The following FNIP1 variants were observed in gnomAD, a reference collection of about 807,000 sequenced individuals.
The protein encoded by FNIP1 is folliculin-interacting protein 1.
In FNIP1, 40 loss-of-function variants were observed where a neutral mutation model predicts 124.5. The ratio of observed to expected loss-of-function variants is 0.32; its 90% CI spans 0.25 to 0.42. The LOEUF (loss-of-function observed/expected upper bound fraction) is 0.42. Among genes scored for constraint, FNIP1 ranks in the 10% least tolerant of loss-of-function variants. The pLI, the probability that FNIP1 is intolerant of heterozygous loss-of-function variation, is 1.00. For synonymous variants in FNIP1, 472 were observed against 470.6 expected, an observed-to-expected ratio of 1.00 and a Z score of -0.04; for missense variants, 1,176 against 1,403.7, an observed-to-expected ratio of 0.84 and a Z score of 2.59.
chr5:131,663,932 T>C (rs924766585), intron 15 of FNIP1, among the ~76,000 whole-genome samples: 2 of 152,186 alleles, frequency 1.3e-5, no homozygotes, highest in Non-Finnish European at 1.5e-5. Flanking sequence ...CATGGGAATA[T>C]GGTTTTTGTT....
At chr5:131,695,054 G>A (rs1374269570) in intron 11 of FNIP1, among the ~76,000 whole-genome samples, 1 of 151,904 alleles carries the variant, frequency 6.6e-6, no homozygotes, top group East Asian at 1.9e-4. Context: ...GCAGTGAGTT[G>A]AGATCGTGCT....
At chr5:131,664,756 A>G (rs772488186) in intron 15 of FNIP1, among the ~76,000 whole-genome samples, 10 of 151,682 alleles carry the variant, frequency 6.6e-5, no homozygotes, top group Non-Finnish European at 1.3e-4. Context: ...GTATGGGGAA[A>G]TATTCTTACA....
intron 1 of FNIP1, among the ~76,000 whole-genome samples, chr5:131,779,687 CAAAA>C (rs760567468): frequency 3.4e-5 from 2 of 59,592 alleles, no homozygotes; most frequent in African/African-American, 6.1e-5. Flanking sequence ...GATTCTGTTT[CAAAA>C]AAAAAAAAAA....
Position 131,716,510 on chromosome 5 carries a change from C to G in FNIP1, c.622+55G>C. On this transcript the variant is annotated intron_variant, in intron 6 of 17. Coordinates refer to ENST00000510461, the MANE Select transcript of FNIP1 (RefSeq NM_133372.3). ...ATTATTAAGGAATAACTTCAAAAAACACTTGTTACCCTGCTAGTATTTTTT... is the reference window on the plus strand; with the variant it reads ...ATTATTAAGGAATAACTTCAAAAAAGACTTGTTACCCTGCTAGTATTTTTT... 17 of 1,205,752 alleles carry G rather than the reference C, an allele frequency of 1.4e-5. No homozygotes were observed. The South Asian group carries it at 2.3e-4, about 17-fold the overall frequency. 74.7% of individuals were successfully genotyped at this position (1,205,752 alleles called of 1,614,324 possible).
intron 10 of FNIP1, among the ~76,000 whole-genome samples, chr5:131,703,027 A>T (rs565725120): frequency 6.6e-6 from 1 of 152,356 alleles, no homozygotes; most frequent in South Asian, 2.1e-4. Context: ...CTCCAGACTC[A>T]TAAAAACACA....
intron 11 of FNIP1, among the ~76,000 whole-genome samples, chr5:131,693,303 T>TATATATATATACAC (rs1768550919): frequency 6.8e-5 from 2 of 29,208 alleles, no homozygotes; most frequent in Non-Finnish European, 9.2e-5. Context: ...TATACATATA[T>TATATATATATACAC]ATATATATAT....
intron 11 of FNIP1, among the ~76,000 whole-genome samples, chr5:131,693,303 T>C (rs1477964953): frequency 3.4e-5 from 1 of 29,208 alleles, no homozygotes. Context: ...TATACATATA[T>C]ATATATATAT....
rs1185650270 is a variant in FNIP1, at chr5:131,774,016, G to A, written c.92+22814C>T. Among the ~76,000 whole-genome samples the A allele has an allele frequency of 2.6e-5, 4 of 152,154 alleles. No homozygotes were observed. In the East Asian group the frequency reaches 7.7e-4, roughly 29 times the overall value. ...CCAAACAAATGAAACAATTATGTTT[G>A]AAGTCAATTGTTTAATTCCTTTGCA... On this transcript the variant is annotated intron_variant, in intron 1 of 17. Coordinates refer to ENST00000510461, the MANE Select transcript of FNIP1 (RefSeq NM_133372.3).
chr5:131,752,789 C>T (rs774507168), intron 1 of FNIP1, among the ~76,000 whole-genome samples: 8 of 152,104 alleles, frequency 5.3e-5, no homozygotes, highest in African/African-American at 1.4e-4. Flanking sequence ...TGGCCACGGC[C>T]GGGCGCGGTG....
chr5:131,662,884 C>T (rs1767485017), intron 15 of FNIP1, among the ~76,000 whole-genome samples: 1 of 152,104 alleles, frequency 6.6e-6, no homozygotes, highest in Admixed American at 6.5e-5. Context: ...GGATTACAGG[C>T]ATGCGCCATT....
At chr5:131,701,026 G>A (rs1250984911) in intron 10 of FNIP1, among the ~76,000 whole-genome samples, 2 of 152,198 alleles carry the variant, frequency 1.3e-5, no homozygotes, top group South Asian at 4.1e-4. Context: ...ACCAGTACCC[G>A]TCAGTGGCCT....
intron 3 of FNIP1, among the ~76,000 whole-genome samples, chr5:131,725,234 G>C (rs1175750985): frequency 6.6e-6 from 1 of 152,122 alleles, no homozygotes; most frequent in Non-Finnish European, 1.5e-5. Context: ...CTAATTCTGT[G>C]AAGAAAATCA....
At chr5:131,699,964 T>C (rs1580766450) in intron 10 of FNIP1, among the ~76,000 whole-genome samples, 2 of 135,864 alleles carry the variant, frequency 1.5e-5, no homozygotes, top group Non-Finnish European at 1.6e-5. Flanking sequence ...TACAATAAGA[T>C]AGCTAAAGGT....
chr5:131,705,651 G>A (rs1769083855), intron 9 of FNIP1, among the ~76,000 whole-genome samples: 1 of 152,092 alleles, frequency 6.6e-6, no homozygotes, highest in African/African-American at 2.4e-5. Flanking sequence ...AATGTAAAAT[G>A]GTACAGTAAC....
At chr5:131,724,603 T>C (rs1315013652) in intron 3 of FNIP1, among the ~76,000 whole-genome samples, 2 of 152,218 alleles carry the variant, frequency 1.3e-5, no homozygotes, top group Non-Finnish European at 2.9e-5. Flanking sequence ...TTCTGGATAT[T>C]AGCCCTTTGT....
chr5:131,752,360 G>T (rs1049808300), intron 1 of FNIP1, among the ~76,000 whole-genome samples: 4 of 151,866 alleles, frequency 2.6e-5, no homozygotes, highest in African/African-American at 7.3e-5. Flanking sequence ...TGTATTCTTT[G>T]TTAATTTAAA....
chr5:131,653,142 G>A (rs1268499088), intron 15 of FNIP1, among the ~76,000 whole-genome samples: 2 of 152,012 alleles, frequency 1.3e-5, no homozygotes, highest in African/African-American at 2.4e-5. Context: ...AGATTTTTCT[G>A]TTTGACTAAG....
intron 15 of FNIP1, among the ~76,000 whole-genome samples, chr5:131,669,904 CA>C (rs1767701600): frequency 7.4e-6 from 1 of 135,732 alleles, no homozygotes; most frequent in Non-Finnish European, 1.6e-5. Flanking sequence ...AAATTCTAGC[CA>C]GTACAATGAG....
intron 1 of FNIP1, among the ~76,000 whole-genome samples, chr5:131,795,118 T>G (rs146434483): frequency 6.6e-6 from 1 of 152,354 alleles, no homozygotes; most frequent in African/African-American, 2.4e-5. Context: ...TTCTGTTTCA[T>G]CAGTTTTCAT....
Sources: gnomAD v4.1 joint callset for allele counts (sites outside exome capture counted in the v4.1 genomes callset) on GRCh38, gnomAD v4.1.1 for gene constraint, MANE v1.5 for transcripts, NCBI Gene and HGNC (gene_info 2026-07-23, HGNC 2026-07-21) for gene names.